Variants in LUZP1 observed in about 807,000 individuals in gnomAD.
The protein encoded by LUZP1 is filamin mechanobinding actin cross-linking protein.
A neutral mutation model predicts 71.3 loss-of-function variants in LUZP1; 25 were observed. The observed-to-expected ratio is 0.35, with a 90% CI of 0.26 to 0.49. The LOEUF is 0.49. Among genes scored for constraint, LUZP1 ranks in the 20% least tolerant of loss-of-function variants. The pLI, the probability that LUZP1 is intolerant of heterozygous loss-of-function variation, is 0.99. For synonymous variants in LUZP1, 481 were observed against 506.4 expected, an observed-to-expected ratio of 0.95 and a Z score of 0.67; for missense variants, 1,142 against 1,300.8, an observed-to-expected ratio of 0.88 and a Z score of 1.88.
At chr1:23,142,931 T>A (rs1644316438) in intron 2 of LUZP1, among the ~76,000 whole-genome samples, 1 of 152,048 alleles carries the variant, frequency 6.6e-6, no homozygotes, top group Non-Finnish European at 1.5e-5. Flanking sequence ...TTTGGGAGGC[T>A]GAGGCAGCAG....
intron 3 of LUZP1, among the ~76,000 whole-genome samples, chr1:23,104,306 TC>T (rs916284751): frequency 6.6e-6 from 1 of 151,886 alleles, no homozygotes; most frequent in African/African-American, 2.4e-5. Context: ...TGCCTCAGCC[TC>T]CCGAGTAGCT....
At chr1:23,116,137 T>C (rs769979039) in intron 2 of LUZP1, among the ~76,000 whole-genome samples, 22 of 152,018 alleles carry the variant, frequency 1.4e-4, no homozygotes, top group Non-Finnish European at 2.5e-4. Context: ...TCCCAGCACT[T>C]TGGGAGGCTG....
intron 2 of LUZP1, among the ~76,000 whole-genome samples, chr1:23,121,992 A>C (rs1644133261): frequency 6.6e-6 from 1 of 152,224 alleles, no homozygotes. Flanking sequence ...AGCCTGGGTG[A>C]CAGAGCAAGA....
chr1:23,116,615 G>GAGAAA, intron 2 of LUZP1, among the ~76,000 whole-genome samples: 1 of 151,250 alleles, frequency 6.6e-6, no homozygotes, highest in Middle Eastern at 3.4e-3. Flanking sequence ...GAAGAAAAAA[G>GAGAAA]AGAAAAGAAA....
intron 1 of LUZP1, among the ~76,000 whole-genome samples, chr1:23,173,998 T>A (rs1035088121): frequency 6.6e-6 from 1 of 152,054 alleles, no homozygotes. Flanking sequence ...TTTTTTTTTG[T>A]CCCTGTCTGT....
At chr1:23,149,791 G>A (rs527938924) in intron 2 of LUZP1, among the ~76,000 whole-genome samples, 136 of 151,810 alleles carry the variant, frequency 9.0e-4, no homozygotes, top group Admixed American at 1.8e-3. Context: ...GTGAAACCCC[G>A]TCTCTACTGA....
chr1:23,110,635 T>TATAC (rs1553137225), intron 2 of LUZP1, among the ~76,000 whole-genome samples: 674 of 41,924 alleles, frequency 0.016, 18 homozygotes, highest in East Asian at 0.15. Flanking sequence ...CGCGCACACA[T>TATAC]ACACACACAC....
chr1:23,115,866 G>C (rs1644073917), intron 2 of LUZP1, among the ~76,000 whole-genome samples: 1 of 152,144 alleles, frequency 6.6e-6, no homozygotes, highest in Non-Finnish European at 1.5e-5. Context: ...TCTAACCAGT[G>C]GTCTACAATT....
intron 2 of LUZP1, among the ~76,000 whole-genome samples, chr1:23,130,351 T>G (rs1373709074): frequency 6.6e-6 from 1 of 152,156 alleles, no homozygotes; most frequent in Non-Finnish European, 1.5e-5. Context: ...TATGTCATAA[T>G]ACTCCAAGTA....
In LUZP1 at chr1:23,093,687, C is replaced by A; in HGVS notation, c.575G>T (p.Ser192Ile). ...CAAGTATTTTCTCTCACTTACAAAG[C>A]TCAGAGTTAATGATTTCAGCTTTTC... Residue 192 changes from serine to isoleucine, a missense_variant, in exon 4 of 5, where the codon AGC becomes ATC. Transcript: ENST00000302291. This position sits in a 1 kb window ranked among gnomAD's most constrained non-coding sequence, Gnocchi z 4.2. 1 of 1,613,598 alleles carries A rather than the reference C, an allele frequency of 6.2e-7. No individual in the cohort carries two copies. Among genetic ancestry groups the A allele is most frequent in the Non-Finnish European group, 8.5e-7 (1 of 1,179,978 alleles).
At chr1:23,169,440 T>TG (rs1353294859) in intron 1 of LUZP1, among the ~76,000 whole-genome samples, 2 of 152,184 alleles carry the variant, frequency 1.3e-5, no homozygotes, top group Non-Finnish European at 2.9e-5. Context: ...TGATATGGAA[T>TG]AATCACTCAA....
chr1:23,141,808 C>CA (rs1644305352), intron 2 of LUZP1, among the ~76,000 whole-genome samples: 1 of 151,534 alleles, frequency 6.6e-6, no homozygotes, highest in Non-Finnish European at 1.5e-5. Flanking sequence ...GCCTCCCAGG[C>CA]AGCTGGGACC....
intron 2 of LUZP1, among the ~76,000 whole-genome samples, chr1:23,146,864 G>A (rs778094408): frequency 4.6e-5 from 7 of 152,038 alleles, no homozygotes; most frequent in South Asian, 2.1e-4. Flanking sequence ...TTGGGAGGCC[G>A]AGGCAGGCGG....
At position 23,139,019 on chromosome 1, in the gene LUZP1, A is replaced by AATATAT. The variant is rs1225155907; in HGVS notation, c.-226+29741_-226+29746dup. On this transcript the variant is annotated intron_variant, in intron 2 of 4. Transcript: ENST00000302291. ...TCTCAAAAAAAAAAAAAAAAAAAAA[A>AATATAT]ATATATATATATATATATATATATA... is the stretch of plus-strand genomic sequence containing the variant. Among the ~76,000 whole-genome samples the AATATAT allele has an allele frequency of 6.2e-3, 372 of 59,882 alleles. 5 individuals carry two copies. The highest frequency in any genetic ancestry group is 0.012 in the South Asian group (15 of 1,264). 39.3% of individuals were successfully genotyped at this position (59,882 alleles called of 152,430 possible). A position where few individuals can be genotyped will look rare whatever the true frequency, so the allele number is the denominator to read the frequency against.
At chr1:23,152,165 TA>T (rs946735501) in intron 2 of LUZP1, among the ~76,000 whole-genome samples, 1 of 152,060 alleles carries the variant, frequency 6.6e-6, no homozygotes, top group Non-Finnish European at 1.5e-5. Flanking sequence ...CAAATTATGT[TA>T]AAAAAATCAT....
At chr1:23,110,498 C>CT (rs1644019128) in intron 2 of LUZP1, among the ~76,000 whole-genome samples, 1 of 152,134 alleles carries the variant, frequency 6.6e-6, no homozygotes, top group African/African-American at 2.4e-5. Flanking sequence ...AACTGCCTCC[C>CT]TTACACATCC....
intron 2 of LUZP1, among the ~76,000 whole-genome samples, chr1:23,113,392 G>C (rs1053586666): frequency 9.2e-5 from 14 of 151,756 alleles, no homozygotes; most frequent in African/African-American, 3.1e-4. Context: ...GGGCGACTGA[G>C]TGAAACCCTG....
At chr1:23,089,095 AAGTGAGGAC>A in intron 4 of LUZP1, 42 bp from the exon 4 acceptor site, 1 of 1,598,532 alleles carries the variant, frequency 6.3e-7, no homozygotes, top group Non-Finnish European at 8.6e-7. Context: ...GAGGTCAGTA[AAGTGAGGAC>A]CGAGACACCC....
At chr1:23,137,948 C>T (rs1261414871) in intron 2 of LUZP1, among the ~76,000 whole-genome samples, 1 of 152,176 alleles carries the variant, frequency 6.6e-6, no homozygotes, top group African/African-American at 2.4e-5. Context: ...AACTAATAAA[C>T]AGATAAACAA....
Sources: allele counts gnomAD v4.1 joint callset (sites outside exome capture counted in the v4.1 genomes callset), GRCh38; gene constraint gnomAD v4.1.1; non-coding constraint Gnocchi (gnomAD v3.1); transcripts MANE v1.5; gene names NCBI Gene and HGNC (gene_info 2026-07-23, HGNC 2026-07-21).